Variants in CNTLN observed in about 807,000 individuals in gnomAD.
CNTLN encodes the protein centlein, also known as centlein, centrosomal protein.
A neutral mutation model predicts 180.0 loss-of-function variants in CNTLN; 212 were observed. The ratio of observed to expected loss-of-function variants is 1.18; its 90% CI spans 1.05 to 1.32. The LOEUF (loss-of-function observed/expected upper bound fraction) is 1.32. CNTLN is among the 40% of genes most tolerant of loss of function. The pLI, the probability that CNTLN is intolerant of heterozygous loss-of-function variation, is 0.00. For synonymous variants in CNTLN, 722 were observed against 563.1 expected (o/e 1.28, Z -3.99); for missense variants, 2,095 against 1,610.9 (o/e 1.30, Z -5.14).
chr9:17,268,822 G>A lies in CNTLN; in HGVS notation c.850-4911G>A, dbSNP rs576887318. On this transcript the variant is annotated intron_variant, in intron 5 of 25. Coordinates refer to ENST00000380647, the MANE Select transcript of CNTLN (RefSeq NM_017738.4). ...TGCTAGCAATCAGCGAGACTCTGTG[G>A]GCGTAGGACCCTCTGAGCCAGGTGC... 2.0e-5 allele frequency among the ~76,000 whole-genome samples: 3 copies of A among 151,836 alleles called. No homozygotes were observed. The South Asian group carries it at 6.3e-4, about 32-fold the overall frequency.
intron 10 of CNTLN, among the ~76,000 whole-genome samples, chr9:17,338,563 A>G (rs920867389): frequency 6.6e-6 from 1 of 151,880 alleles, no homozygotes; most frequent in Non-Finnish European, 1.5e-5. Flanking sequence ...AGCAATCTCA[A>G]TAAACATAAT....
intron 9 of CNTLN, 28 bp downstream of exon 9, chr9:17,330,836 T>A: frequency 1.3e-6 from 2 of 1,580,838 alleles, no homozygotes; most frequent in Non-Finnish European, 1.7e-6. Context: ...TTTTGTGAAT[T>A]TGCCAGGATG....
intron 18 of CNTLN, among the ~76,000 whole-genome samples, chr9:17,442,230 G>A (rs1588003711): frequency 6.6e-6 from 1 of 152,108 alleles, no homozygotes. Context: ...TTCTTCTCAA[G>A]TGCACATGAA....
intron 24 of CNTLN, among the ~76,000 whole-genome samples, chr9:17,485,935 C>T (rs556282810): frequency 4.0e-4 from 61 of 152,228 alleles, no homozygotes; most frequent in African/African-American, 1.4e-3. Flanking sequence ...CTAGATGGTG[C>T]ATGTCTGTGA....
chr9:17,171,436 T>A (rs1820413682), intron 2 of CNTLN, among the ~76,000 whole-genome samples: 1 of 152,190 alleles, frequency 6.6e-6, no homozygotes, highest in African/African-American at 2.4e-5. Flanking sequence ...GAAGTCAGTA[T>A]CTGCTAAGAT....
chr9:17,401,467 G>GCTA lies in CNTLN; in HGVS notation c.2615+6398_2615+6399insCTA, dbSNP rs1564073269. On this transcript the variant is annotated intron_variant, in intron 15 of 25. Transcript: ENST00000380647. ...TGGCTCACTGCATCCTCGACTTCCT[G>GCTA]AGCTCGAGCTACCTTCTACCTCAGT... 6.3e-4 allele frequency among the ~76,000 whole-genome samples: 95 copies of GCTA among 151,758 alleles called. 3 individuals carry two copies. Among genetic ancestry groups the GCTA allele is most frequent in the Middle Eastern group, 3.5e-3 (1 of 288 alleles).
chr9:17,219,102 CT>C (rs1343296884), intron 2 of CNTLN, among the ~76,000 whole-genome samples: 3 of 152,108 alleles, frequency 2.0e-5, no homozygotes. Flanking sequence ...GACAGCCTCT[CT>C]TCGCTTCATT....
chr9:17,392,640 G>A (rs1355081488), intron 14 of CNTLN, among the ~76,000 whole-genome samples: 1 of 152,064 alleles, frequency 6.6e-6, no homozygotes, highest in Non-Finnish European at 1.5e-5. Flanking sequence ...GGTCCTTTAA[G>A]GACATAGGTC....
At chr9:17,453,515 CA>C (rs1830922307) in intron 18 of CNTLN, among the ~76,000 whole-genome samples, 1 of 152,048 alleles carries the variant, frequency 6.6e-6, no homozygotes, top group African/African-American at 2.4e-5. Context: ...TAAAAAAAAT[CA>C]GGACCCATAT....
the CNTLN span, among the ~76,000 whole-genome samples, chr9:17,521,762 C>G: frequency 6.6e-6 from 1 of 152,144 alleles, no homozygotes; most frequent in Admixed American, 6.5e-5. Flanking sequence ...TTTGACATTA[C>G]AAGCCATAAT....
At position 17,362,552 on chromosome 9, in the gene CNTLN, C is replaced by T. The variant is rs541568981; in HGVS notation, c.1887-4065C>T. ...TATACTGAGTGAGGGGAAGGAGAGG[C>T]TACCTAATTTTTACTTCAAATAACT... On this transcript the variant is annotated intron_variant, in intron 12 of 25. Coordinates refer to ENST00000380647, the MANE Select transcript of CNTLN (RefSeq NM_017738.4). Among the ~76,000 whole-genome samples the T allele has an allele frequency of 2.8e-4, 42 of 152,140 alleles. 1 individual carries two copies. Among genetic ancestry groups the T allele is most frequent in the African/African-American group, 9.9e-4 (41 of 41,504 alleles).
At chr9:17,490,102 G>A (rs1438461743) in intron 25 of CNTLN, among the ~76,000 whole-genome samples, 1 of 152,132 alleles carries the variant, frequency 6.6e-6, no homozygotes, top group Admixed American at 6.6e-5. Flanking sequence ...ATAGAAATAG[G>A]AAAAGTAGGC....
At chr9:17,473,890 G>A (rs866487403) in intron 23 of CNTLN, among the ~76,000 whole-genome samples, 7 of 152,148 alleles carry the variant, frequency 4.6e-5, no homozygotes, top group African/African-American at 1.7e-4. Flanking sequence ...ATTTGATATC[G>A]TTGATCACTC....
intron 3 of CNTLN, among the ~76,000 whole-genome samples, chr9:17,231,929 T>G (rs1388255046): frequency 3.3e-5 from 5 of 152,004 alleles, no homozygotes; most frequent in Non-Finnish European, 5.9e-5. Context: ...TTATCTGTAA[T>G]AAATTATTTG....
At chr9:17,206,696 C>T (rs2131925850) in intron 2 of CNTLN, among the ~76,000 whole-genome samples, 1 of 152,228 alleles carries the variant, frequency 6.6e-6, no homozygotes, top group Non-Finnish European at 1.5e-5. Flanking sequence ...CTCAATTGAC[C>T]ATTTGAACTC....
At chr9:17,159,050 A>G (rs1819495956) in intron 2 of CNTLN, among the ~76,000 whole-genome samples, 1 of 152,042 alleles carries the variant, frequency 6.6e-6, no homozygotes, top group South Asian at 2.1e-4. Flanking sequence ...ATTTTCGCTA[A>G]TCTCAGAGTG....
At chr9:17,470,232 A>G (rs933782100) in intron 23 of CNTLN, among the ~76,000 whole-genome samples, 11 of 151,878 alleles carry the variant, frequency 7.2e-5, no homozygotes, top group Admixed American at 5.3e-4. Context: ...CAAGAATAGT[A>G]CTGGACTTAT....
intron 2 of CNTLN, chr9:17,167,458 C>G (rs962031800): frequency 6.6e-6 from 1 of 152,288 alleles, no homozygotes. Context: ...TAAATTTATG[C>G]TTCTCTTAGC....
intron 18 of CNTLN, among the ~76,000 whole-genome samples, chr9:17,421,571 ATTAT>A (rs1828728184): frequency 6.6e-6 from 1 of 151,960 alleles, no homozygotes; most frequent in Non-Finnish European, 1.5e-5. Flanking sequence ...TGCATTCAGT[ATTAT>A]TATTCATAGA....
Sources: gnomAD v4.1 joint callset for allele counts (sites outside exome capture counted in the v4.1 genomes callset) on GRCh38, gnomAD v4.1.1 for gene constraint, MANE v1.5 for transcripts, NCBI Gene and HGNC (gene_info 2026-07-23, HGNC 2026-07-21) for gene names.